Variants in TIAM1 observed in about 807,000 individuals in gnomAD.
TIAM1 encodes rho guanine nucleotide exchange factor TIAM1.
In TIAM1, 65 loss-of-function variants were observed where a neutral mutation model predicts 163.5. The ratio of observed to expected loss-of-function variants is 0.40; its 90% CI spans 0.33 to 0.49. TIAM1 has a LOEUF of 0.49. TIAM1 is among the 20% of genes least tolerant of loss of function. The pLI is 0.77. For missense variants in TIAM1, 1,789 were observed against 2,044.7 expected (o/e 0.87, Z 2.41); for synonymous variants, 833 against 810.1 (o/e 1.03, Z -0.48).
chr21:31,284,636 A>C (rs1430516281), intron 2 of TIAM1, among the ~76,000 whole-genome samples: 1 of 152,008 alleles, frequency 6.6e-6, no homozygotes, highest in East Asian at 1.9e-4. Flanking sequence ...CTCTTGCCTC[A>C]ACCTCCCGAG....
intron 10 of TIAM1, 48 bp downstream of exon 10, chr21:31,213,350 G>A (rs762210538): frequency 1.3e-6 from 2 of 1,520,640 alleles, no homozygotes; most frequent in Non-Finnish European, 1.8e-6. Context: ...TGTATATGTT[G>A]ATGCACTTGT....
chr21:31,459,268 T>C (rs2045234277), intron 2 of TIAM1, among the ~76,000 whole-genome samples: 1 of 152,130 alleles, frequency 6.6e-6, no homozygotes, highest in Non-Finnish European at 1.5e-5. Flanking sequence ...CGTGCCACCA[T>C]GCCCAGTTAA....
chr21:31,336,488 CTTTT>C (rs34052300), intron 2 of TIAM1, among the ~76,000 whole-genome samples: 151 of 125,420 alleles, frequency 1.2e-3, no homozygotes, highest in African/African-American at 3.3e-3. Context: ...TTGCCCCTTG[CTTTT>C]TTTTTTTTTT....
chr21:31,171,211 T>G (rs1252921104), intron 15 of TIAM1, among the ~76,000 whole-genome samples: 1 of 151,990 alleles, frequency 6.6e-6, no homozygotes, highest in African/African-American at 2.4e-5. Flanking sequence ...CTCACACCAT[T>G]CACAAAAATC....
At chr21:31,154,750 A>G (rs1250795929) in intron 16 of TIAM1, among the ~76,000 whole-genome samples, 1 of 152,180 alleles carries the variant, frequency 6.6e-6, no homozygotes, top group East Asian at 1.9e-4. Flanking sequence ...TAAGTGGCAG[A>G]GCTGGGATTT....
At chr21:31,185,277 C>G (rs1350868117) in intron 14 of TIAM1, among the ~76,000 whole-genome samples, 1 of 151,338 alleles carries the variant, frequency 6.6e-6, no homozygotes, top group Non-Finnish European at 1.5e-5. Context: ...TCCCTGTCCA[C>G]CTAGAATGTC....
At position 31,157,658 on chromosome 21, in the gene TIAM1, C is replaced by A. The variant is rs192752393; in HGVS notation, c.2992-3232G>T. ...CTCACTCAGGGACCACTGAGACATG[C>A]CAATTCATCCCATGTGCGCGTTTTT... On this transcript the variant is annotated intron_variant, in intron 16 of 27. Coordinates refer to ENST00000541036, the MANE Select transcript of TIAM1 (RefSeq NM_001353694.2). 8.1e-4 allele frequency among the ~76,000 whole-genome samples: 123 copies of A among 152,080 alleles called. 1 individual carries two copies. The highest frequency in any genetic ancestry group is 2.8e-3 in the African/African-American group (115 of 41,480).
At chr21:31,363,903 G>C (rs992376352) in intron 2 of TIAM1, among the ~76,000 whole-genome samples, 7 of 152,098 alleles carry the variant, frequency 4.6e-5, no homozygotes, top group African/African-American at 1.4e-4. Context: ...AAAAGGGGGA[G>C]GGGGTTCTTC....
At chr21:31,196,714 C>G (rs2085877931) in intron 12 of TIAM1, among the ~76,000 whole-genome samples, 1 of 152,122 alleles carries the variant, frequency 6.6e-6, no homozygotes, top group Non-Finnish European at 1.5e-5. Context: ...CTTAGAACTA[C>G]CGCTTGACGC....
At chr21:31,190,231 C>T (rs950269080) in intron 13 of TIAM1, among the ~76,000 whole-genome samples, 2 of 152,094 alleles carry the variant, frequency 1.3e-5, no homozygotes, top group African/African-American at 2.4e-5. Context: ...CACAGTGAGA[C>T]CCTGTCTCTA....
chr21:31,520,802 G>A (rs1602479828), intron 1 of TIAM1, among the ~76,000 whole-genome samples: 1 of 152,214 alleles, frequency 6.6e-6, no homozygotes, highest in East Asian at 1.9e-4. Flanking sequence ...TAAGCTGTGG[G>A]CCAGGAGGCG....
intron 2 of TIAM1, among the ~76,000 whole-genome samples, chr21:31,355,941 G>A (rs563608896): frequency 2.4e-4 from 36 of 152,250 alleles, no homozygotes; most frequent in African/African-American, 8.4e-4. Flanking sequence ...AGCCCCACAA[G>A]AGCAGGCACT....
At chr21:31,177,730 G>A (rs2084830243) in intron 15 of TIAM1, among the ~76,000 whole-genome samples, 1 of 152,240 alleles carries the variant, frequency 6.6e-6, no homozygotes, top group Admixed American at 6.5e-5. Context: ...CTATGAGAAA[G>A]CAGTTCAGAA....
chr21:31,262,837 G>A (rs2072551121), intron 4 of TIAM1, among the ~76,000 whole-genome samples: 1 of 152,040 alleles, frequency 6.6e-6, no homozygotes, highest in South Asian at 2.1e-4. Flanking sequence ...CTGACAGGAT[G>A]ATCACAGATT....
chr21:31,507,210 T>C (rs2047063088), intron 1 of TIAM1, among the ~76,000 whole-genome samples: 1 of 61,748 alleles, frequency 1.6e-5, no homozygotes, highest in African/African-American at 7.5e-5. Context: ...TTTTTTTTTT[T>C]TTTTTTTTTT....
intron 2 of TIAM1, among the ~76,000 whole-genome samples, chr21:31,431,926 T>C (rs571300946): frequency 1.3e-5 from 2 of 152,296 alleles, no homozygotes; most frequent in South Asian, 2.1e-4. Flanking sequence ...GCAAAATGAC[T>C]GTAAACAAAA....
chr21:31,539,489 T>C (rs1474499657), intron 1 of TIAM1, among the ~76,000 whole-genome samples: 1 of 151,786 alleles, frequency 6.6e-6, no homozygotes, highest in East Asian at 1.9e-4. Context: ...ATGGTCTTGA[T>C]CTCCTGACCT....
rs200891838 is a variant in TIAM1, at chr21:31,538,899, ACGGC to A, written c.-422+20024_-422+20027del. ...GGCAGCCTGCACGCATCGTCCCTGCACGGCCGCTCATTCCAGCCACCTACCATGC... is the reference window on the plus strand; with the variant it reads ...GGCAGCCTGCACGCATCGTCCCTGCACGCTCATTCCAGCCACCTACCATGC... On this transcript the variant is annotated intron_variant, in intron 1 of 28. Coordinates refer to the TIAM1 transcript ENST00000286827. Among the ~76,000 whole-genome samples the A allele has an allele frequency of 9.3e-3, 1,421 of 152,320 alleles. 20 individuals are homozygous for A. The highest frequency in any genetic ancestry group is 0.031 in the African/African-American group (1,296 of 41,570).
intron 4 of TIAM1, among the ~76,000 whole-genome samples, chr21:31,255,906 C>A (rs2072074496): frequency 6.6e-6 from 1 of 152,210 alleles, no homozygotes; most frequent in South Asian, 2.1e-4. Flanking sequence ...AGGACAAATT[C>A]TCTGAAGCCA....
Sources: allele counts gnomAD v4.1 joint callset (sites outside exome capture counted in the v4.1 genomes callset), GRCh38; gene constraint gnomAD v4.1.1; transcripts MANE v1.5; gene names NCBI Gene and HGNC (gene_info 2026-07-23, HGNC 2026-07-21).